The following NRG1 variants were observed in gnomAD, a reference collection of about 807,000 sequenced individuals.
The protein encoded by NRG1 is neuregulin 1, also known as pro-neuregulin-1, membrane-bound isoform.
In NRG1, 18 loss-of-function variants were observed where a neutral mutation model predicts 63.8. The ratio of observed to expected loss-of-function variants is 0.28; its 90% CI spans 0.19 to 0.42. The LOEUF (loss-of-function observed/expected upper bound fraction) is 0.42, where lower values mean the gene tolerates loss of function less well. NRG1 is among the 10% of genes least tolerant of loss of function. NRG1 has a pLI of 1.00. For missense variants in NRG1, 762 were observed against 814.7 expected (o/e 0.94, Z 0.79); for synonymous variants, 302 against 301.3 (o/e 1.00, Z -0.02).
chr8:31,657,615 C>T (rs1805558022), intron 1 of NRG1, among the ~76,000 whole-genome samples: 1 of 152,024 alleles, frequency 6.6e-6, no homozygotes, highest in African/African-American at 2.4e-5. Context: ...TTGTTTTTTT[C>T]AACTAATAAA....
chr8:32,307,589 T>TGTGTGTGTG (rs1563296243), intron 1 of NRG1, among the ~76,000 whole-genome samples: 25 of 93,530 alleles, frequency 2.7e-4, no homozygotes, highest in South Asian at 9.8e-4. Context: ...ACCCAGGGGT[T>TGTGTGTGTG]TGTGTGTGTG....
Position 31,947,085 on chromosome 8 carries a change from G to A in NRG1, c.37+307654G>A, listed in dbSNP as rs574269030. 2.6e-3 allele frequency among the ~76,000 whole-genome samples: 402 copies of A among 152,120 alleles called. 1 individual carries two copies. Among genetic ancestry groups the A allele is most frequent in the Non-Finnish European group, 4.8e-3 (324 of 68,008 alleles). On this transcript the variant is annotated intron_variant, in intron 1 of 10. Coordinates refer to the NRG1 transcript ENST00000519301. Reference sequence around the variant, plus strand: ...GGAGGCCGAGGCGGGTGGATCATGAGGTCAGGAGATCGAGACCATCCTGGC... The same window carrying A: ...GGAGGCCGAGGCGGGTGGATCATGAAGTCAGGAGATCGAGACCATCCTGGC...
chr8:31,774,808 A>C (rs1228083718), intron 1 of NRG1, among the ~76,000 whole-genome samples: 2 of 152,242 alleles, frequency 1.3e-5, no homozygotes, highest in Admixed American at 6.5e-5. Flanking sequence ...GAAGATATGC[A>C]AGTTGTCAAC....
chr8:32,538,304 G>T (rs1262736801), intron 1 of NRG1, among the ~76,000 whole-genome samples: 3 of 152,124 alleles, frequency 2.0e-5, no homozygotes, highest in Non-Finnish European at 2.9e-5. Context: ...CTCCCTTCAA[G>T]AGTTACAATT....
chr8:32,577,577 G>A (rs1373274553), intron 1 of NRG1, among the ~76,000 whole-genome samples: 4 of 152,156 alleles, frequency 2.6e-5, no homozygotes, highest in Non-Finnish European at 4.4e-5. Context: ...CAAAACTTAC[G>A]AAACTATAAA....
At chr8:32,194,118 A>G (rs984353342) in intron 1 of NRG1, among the ~76,000 whole-genome samples, 1 of 152,180 alleles carries the variant, frequency 6.6e-6, no homozygotes, top group Admixed American at 6.5e-5. Context: ...CTCATCTCCA[A>G]GCCTCCGTTT....
At chr8:32,261,372 TGTGTGTGTGTGTGTGTGCTG>T (rs1850351896) in intron 1 of NRG1, among the ~76,000 whole-genome samples, 1 of 151,824 alleles carries the variant, frequency 6.6e-6, no homozygotes, top group Non-Finnish European at 1.5e-5. Context: ...TGTGTGTGTG[TGTGTGTGTGTGTGTGTGCTG>T]GTGTGTGTAT....
intron 5 of NRG1, among the ~76,000 whole-genome samples, chr8:32,617,939 G>A (rs1847672877): frequency 6.6e-6 from 1 of 152,266 alleles, no homozygotes; most frequent in East Asian, 1.9e-4. Flanking sequence ...ATTGTGTGAA[G>A]TATGGTGTTT....
intron 3 of NRG1, among the ~76,000 whole-genome samples, chr8:32,606,755 G>C (rs1845353369): frequency 6.6e-6 from 1 of 152,104 alleles, no homozygotes; most frequent in African/African-American, 2.4e-5. Flanking sequence ...TTCTTGGTAG[G>C]AGATGAGAAA....
At chr8:32,346,424 A>G (rs1299063716) in intron 1 of NRG1, among the ~76,000 whole-genome samples, 2 of 151,848 alleles carry the variant, frequency 1.3e-5, no homozygotes, top group African/African-American at 2.4e-5. Flanking sequence ...AGGGGTCCAG[A>G]AATGTTTTGT....
chr8:31,998,328 G>A (rs1812362170), intron 1 of NRG1, among the ~76,000 whole-genome samples: 1 of 151,888 alleles, frequency 6.6e-6, no homozygotes, highest in Non-Finnish European at 1.5e-5. Context: ...TTCAAATGCT[G>A]TGCTAAGTAT....
At chr8:31,784,300 A>G (rs1329098673) in intron 1 of NRG1, among the ~76,000 whole-genome samples, 2 of 152,232 alleles carry the variant, frequency 1.3e-5, no homozygotes, top group Admixed American at 6.5e-5. Flanking sequence ...CTTGTTAAGG[A>G]AATCATGGTG....
chr8:32,048,897 T>A (rs971099635), intron 1 of NRG1, among the ~76,000 whole-genome samples: 21 of 152,114 alleles, frequency 1.4e-4, no homozygotes, highest in Admixed American at 3.3e-4. Flanking sequence ...TACAAATATG[T>A]TTTCCCATAG....
At chr8:31,929,941 C>A (rs947774599) in intron 1 of NRG1, among the ~76,000 whole-genome samples, 1 of 152,206 alleles carries the variant, frequency 6.6e-6, no homozygotes, top group Non-Finnish European at 1.5e-5. Flanking sequence ...TTGTTTACAT[C>A]TTCCCCTGCA....
At chr8:32,395,119 C>T (rs746983881) in intron 1 of NRG1, among the ~76,000 whole-genome samples, 5 of 152,132 alleles carry the variant, frequency 3.3e-5, no homozygotes, top group Admixed American at 1.3e-4. Context: ...ACCTTTTTCA[C>T]GTCCCCTTCC....
chr8:32,609,967 G>C (rs558772321), intron 3 of NRG1, among the ~76,000 whole-genome samples: 24 of 150,958 alleles, frequency 1.6e-4, no homozygotes, highest in South Asian at 1.0e-3. Context: ...CATCACACCC[G>C]GTCAAGAATT....
chr8:31,902,135 G>C (rs767243591), intron 1 of NRG1, among the ~76,000 whole-genome samples: 47 of 152,260 alleles, frequency 3.1e-4, no homozygotes, highest in Non-Finnish European at 6.0e-4. Context: ...ACCACTACTA[G>C]GATGGTAAGA....
At chr8:31,763,092 C>T (rs760358694) in intron 1 of NRG1, among the ~76,000 whole-genome samples, 6 of 152,056 alleles carry the variant, frequency 3.9e-5, no homozygotes, top group Non-Finnish European at 7.4e-5. Context: ...TCAATAGATG[C>T]TGAAAAGCGT....
At chr8:32,339,308 G>C (rs1055714776) in intron 1 of NRG1, among the ~76,000 whole-genome samples, 1 of 152,154 alleles carries the variant, frequency 6.6e-6, no homozygotes, top group Non-Finnish European at 1.5e-5. Context: ...TATTTCATCA[G>C]TTCCTCTCCT....
Sources: allele counts gnomAD v4.1 joint callset (sites outside exome capture counted in the v4.1 genomes callset), GRCh38; gene constraint gnomAD v4.1.1; transcripts MANE v1.5; gene names NCBI Gene and HGNC (gene_info 2026-07-23, HGNC 2026-07-21).